The following ST6GAL1 variants were observed in gnomAD, a reference collection of about 807,000 sequenced individuals.
The protein encoded by ST6GAL1 is beta-galactoside alpha-2,6-sialyltransferase 1.
In ST6GAL1, 20 loss-of-function variants were observed where a neutral mutation model predicts 38.0. The ratio of observed to expected loss-of-function variants is 0.53; its 90% CI spans 0.37 to 0.77. The LOEUF is 0.77. Ranked by LOEUF, ST6GAL1 falls within the 30% of genes least tolerant of loss-of-function variation. The pLI, the probability that ST6GAL1 is intolerant of heterozygous loss-of-function variation, is 0.00. For missense variants in ST6GAL1, 432 were observed against 496.4 expected, an observed-to-expected ratio of 0.87 and a Z score of 1.23; for synonymous variants, 196 against 188.2, an observed-to-expected ratio of 1.04 and a Z score of -0.34.
intron 2 of ST6GAL1, among the ~76,000 whole-genome samples, chr3:186,973,701 T>C (rs551093567): frequency 1.3e-5 from 2 of 152,268 alleles, no homozygotes; most frequent in South Asian, 2.1e-4. Flanking sequence ...GTTGGCTCCC[T>C]CTCCTAACTC....
chr3:187,057,345 T>G (rs1460647629), intron 5 of ST6GAL1, among the ~76,000 whole-genome samples: 1 of 152,244 alleles, frequency 6.6e-6, no homozygotes, highest in Non-Finnish European at 1.5e-5. Context: ...TTTGTTCTGT[T>G]GCTGGCGAGG....
chr3:187,065,353 C>T (rs1028189202), intron 5 of ST6GAL1, among the ~76,000 whole-genome samples: 13 of 152,158 alleles, frequency 8.5e-5, no homozygotes, highest in Admixed American at 8.5e-4. Flanking sequence ...GCTCCCCTCC[C>T]TTGGCCATGA....
intron 5 of ST6GAL1, among the ~76,000 whole-genome samples, chr3:187,071,368 T>C (rs746186408): frequency 1.3e-5 from 2 of 152,136 alleles, no homozygotes; most frequent in Admixed American, 6.6e-5. Flanking sequence ...CTTTTCTTTC[T>C]CATTCACTCA....
At chr3:186,993,559 TATTTA>T (rs1343860599) in intron 2 of ST6GAL1, among the ~76,000 whole-genome samples, 1 of 77,254 alleles carries the variant, frequency 1.3e-5, no homozygotes, top group Non-Finnish European at 2.8e-5. Flanking sequence ...GACAGAGTTT[TATTTA>T]TTTATTTATT....
At chr3:187,057,545 T>C (rs1718749722) in intron 5 of ST6GAL1, among the ~76,000 whole-genome samples, 1 of 152,178 alleles carries the variant, frequency 6.6e-6, no homozygotes, top group Non-Finnish European at 1.5e-5. Context: ...AACAGTCAGG[T>C]CCCTCAGCTG....
chr3:187,050,573 GGAA>G (rs1718480122), intron 4 of ST6GAL1, among the ~76,000 whole-genome samples: 1 of 141,492 alleles, frequency 7.1e-6, no homozygotes, highest in Non-Finnish European at 1.6e-5. Flanking sequence ...AGGGAGGGAA[GGAA>G]GGAGGGAGGG....
intron 2 of ST6GAL1, among the ~76,000 whole-genome samples, chr3:186,999,214 C>T (rs370754130): frequency 2.6e-5 from 4 of 151,704 alleles, no homozygotes; most frequent in Admixed American, 6.6e-5. Context: ...TGTCTAGGGC[C>T]GTGGGACCAT....
intron 5 of ST6GAL1, among the ~76,000 whole-genome samples, chr3:187,069,359 T>G (rs1026371713): frequency 1.3e-5 from 2 of 152,220 alleles, no homozygotes; most frequent in African/African-American, 4.8e-5. Flanking sequence ...GGTCTTGAAC[T>G]CCTGACCTCA....
chr3:187,058,606 T>G (rs1003946944), intron 5 of ST6GAL1, among the ~76,000 whole-genome samples: 4 of 149,698 alleles, frequency 2.7e-5, no homozygotes, highest in Non-Finnish European at 5.9e-5. Context: ...GTTGTTCAAA[T>G]TTATATTTTG....
At chr3:187,030,536 C>T (rs752494166) in intron 2 of ST6GAL1, among the ~76,000 whole-genome samples, 7 of 152,140 alleles carry the variant, frequency 4.6e-5, no homozygotes, top group Non-Finnish European at 1.0e-4. Flanking sequence ...CGGATTCAAG[C>T]GATCCTCCTG....
chr3:187,006,617 T>A (rs941731101), intron 2 of ST6GAL1: 3 of 152,236 alleles, frequency 2.0e-5, no homozygotes, highest in Non-Finnish European at 4.4e-5. Context: ...GTATTATTAT[T>A]ATTAATTTCA....
intron 2 of ST6GAL1, chr3:186,975,129 G>C (rs1343883657): frequency 1.3e-5 from 2 of 152,870 alleles, no homozygotes; most frequent in Non-Finnish European, 2.9e-5. Flanking sequence ...GAGGAAAGGA[G>C]TGCAGGCAAC....
chr3:187,002,769 A>G (rs374943653), intron 2 of ST6GAL1, among the ~76,000 whole-genome samples: 29 of 152,192 alleles, frequency 1.9e-4, no homozygotes, highest in African/African-American at 5.3e-4. Context: ...AATAGCATGT[A>G]TGTGTGTGTG....
intron 2 of ST6GAL1, among the ~76,000 whole-genome samples, chr3:187,036,918 TTTC>T (rs1454402556): frequency 6.6e-6 from 1 of 152,232 alleles, no homozygotes; most frequent in Non-Finnish European, 1.5e-5. Flanking sequence ...AAAAAACCCT[TTTC>T]TTCTTTGTGT....
Position 187,077,618 on chromosome 3 carries a change from A to T in ST6GAL1, c.*1815A>T, listed in dbSNP as rs1199082298. ...CTTGAGCCTGTTTCCACACCTGTAA[A>T]GTGGGGATGATGATCCTATCTCACT... On this transcript the variant is annotated 3_prime_UTR_variant, in exon 8 of 8. Transcript: ENST00000169298. 1 of 152,198 alleles carries T rather than the reference A, an allele frequency of 6.6e-6. No homozygotes were observed. The highest frequency in any genetic ancestry group is 2.4e-5 in the African/African-American group (1 of 41,414). The allele number at this position is 152,198 out of a possible 1,614,324, so 9.4% of individuals were successfully genotyped here. A position where few individuals can be genotyped will look rare whatever the true frequency, so the allele number is the denominator to read the frequency against.
At chr3:187,052,920 T>C (rs1718565997) in intron 5 of ST6GAL1, among the ~76,000 whole-genome samples, 1 of 152,232 alleles carries the variant, frequency 6.6e-6, no homozygotes, top group African/African-American at 2.4e-5. Flanking sequence ...ACCCACAGTG[T>C]AAAAGCATTC....
chr3:186,935,279 T>TC (rs1272118631), intron 1 of ST6GAL1, among the ~76,000 whole-genome samples: 3 of 152,210 alleles, frequency 2.0e-5, no homozygotes, highest in Admixed American at 2.0e-4. Context: ...TGCTCCTGCA[T>TC]TAGTTTGCTA....
At chr3:187,016,872 G>C (rs1039983287) in intron 2 of ST6GAL1, among the ~76,000 whole-genome samples, 1 of 152,194 alleles carries the variant, frequency 6.6e-6, no homozygotes, top group African/African-American at 2.4e-5. Flanking sequence ...CCAAAGACAA[G>C]ACAAGATCAC....
intron 5 of ST6GAL1, among the ~76,000 whole-genome samples, chr3:187,062,601 C>A (rs1156779303): frequency 6.7e-6 from 1 of 148,990 alleles, no homozygotes; most frequent in Non-Finnish European, 1.5e-5. Flanking sequence ...CACACACACA[C>A]ACACAAAATA....
Sources: allele counts gnomAD v4.1 joint callset (sites outside exome capture counted in the v4.1 genomes callset), GRCh38; gene constraint gnomAD v4.1.1; transcripts MANE v1.5; gene names NCBI Gene and HGNC (gene_info 2026-07-23, HGNC 2026-07-21).